DDX46: variants seen among roughly 807,000 people sequenced by gnomAD.
DDX46 encodes DEAD-box helicase 46, also known as probable ATP-dependent RNA helicase DDX46.
In DDX46, 30 loss-of-function variants were observed where a neutral mutation model predicts 134.9. The observed-to-expected ratio is 0.22, with a 90% CI of 0.17 to 0.30. The LOEUF is 0.30. Ranked by LOEUF, DDX46 falls within the 10% of genes least tolerant of loss-of-function variation. DDX46 has a pLI of 1.00. For synonymous variants in DDX46, 415 were observed against 404.1 expected (o/e 1.03, Z -0.32); for missense variants, 622 against 1,248.7 (o/e 0.50, Z 7.56).
intron 21 of DDX46, among the ~76,000 whole-genome samples, chr5:134,824,593 G>A (rs1755540112): frequency 6.6e-6 from 1 of 152,026 alleles, no homozygotes; most frequent in African/African-American, 2.4e-5. Context: ...AAAAAGAAAA[G>A]AAAAGAAAAA....
chr5:134,782,415 G>T (rs943929885), intron 8 of DDX46, among the ~76,000 whole-genome samples: 1 of 152,088 alleles, frequency 6.6e-6, no homozygotes, highest in Non-Finnish European at 1.5e-5. Context: ...GCCAAGGCGG[G>T]CAGATCACAA....
At chr5:134,762,580 G>C (rs1045895118) in intron 1 of DDX46, among the ~76,000 whole-genome samples, 3 of 150,922 alleles carry the variant, frequency 2.0e-5, no homozygotes, top group East Asian at 2.0e-4. Flanking sequence ...CTAAAGATAC[G>C]AAACTGGCTG....
In DDX46 at chr5:134,816,401, T is replaced by C. The variant is rs768247658; in HGVS notation, c.2437-29T>C. 6 of 1,556,740 alleles carry C rather than the reference T, an allele frequency of 3.9e-6. No homozygotes were observed. In the South Asian group the frequency reaches 7.2e-5, roughly 19 times the overall value. ...ATTTGGTATTTCTAATTCAGTTTTT[T>C]ACTAGTCCTTTTTTTCCTTTTGATC... On this transcript the variant is annotated intron_variant, in intron 18 of 22. Transcript: ENST00000452510.
chr5:134,791,746 A>G lies in DDX46; in HGVS notation c.1626+1194A>G, dbSNP rs150816721. 3.7e-3 allele frequency among the ~76,000 whole-genome samples: 558 copies of G among 152,326 alleles called. 3 individuals are homozygous for G. Among genetic ancestry groups the G allele is most frequent in the African/African-American group, 0.013 (534 of 41,572 alleles). ...CAGTTTATCCATGTACTCTCCAAAA[A>G]TTTATTGCCAGTTATATGTTAGTGC... On this transcript the variant is annotated intron_variant, in intron 13 of 22. Transcript: ENST00000452510.
At position 134,782,015 on chromosome 5, in the gene DDX46, A is replaced by G. The variant is rs1371876203; in HGVS notation, c.974A>G (p.Lys325Arg). 3 of 1,609,676 alleles carry G rather than the reference A, an allele frequency of 1.9e-6. No individual in the cohort carries two copies. Among genetic ancestry groups the G allele is most frequent in the Non-Finnish European group, 2.5e-6 (3 of 1,179,138 alleles). Residue 325 changes from lysine (K) to arginine (R), a missense_variant, in exon 8 of 23, where the codon AAA (lysine) becomes AGA (arginine). Coordinates refer to ENST00000452510, the MANE Select transcript of DDX46 (RefSeq NM_001300860.2). ...RKLLEPVDHG[K>R]IEYEPFRKNF... is the part of the protein sequence containing the mutation. ...CTTCTAGAACCAGTTGATCATGGAA[A>G]AATTGAGTATGAGCCATTTAGGAAA...
At chr5:134,769,537 G>T (rs111391801) in intron 3 of DDX46, among the ~76,000 whole-genome samples, 1,587 of 134,776 alleles carry the variant, frequency 0.012, 21 homozygotes, top group Non-Finnish European at 0.017. Flanking sequence ...TGTTTTTTTT[G>T]TTTGTTTTTT....
In DDX46 at chr5:134,818,288, T is replaced by G. The variant is rs558729669; in HGVS notation, c.2833-572T>G. On this transcript the variant is annotated intron_variant, in intron 20 of 22. Coordinates refer to ENST00000452510, the MANE Select transcript of DDX46 (RefSeq NM_001300860.2). ...TTTCTATTTTTAGTAGAGACGGGGT[T>G]TCTCCATGTTGGTCAGGCTGGTCTC... Among the ~76,000 whole-genome samples, 9 of 148,238 alleles carry G rather than the reference T, an allele frequency of 6.1e-5. No homozygotes were observed. In the South Asian group the frequency reaches 1.8e-3, roughly 29 times the overall value.
rs558645191 is a variant in DDX46 at position 134,778,020 on chromosome 5, C to CTTT, written c.765+311_765+313dup. The CTTT allele has an allele frequency of 5.0e-4, 76 of 150,830 alleles. 1 individual carries two copies. The highest frequency in any genetic ancestry group is 1.7e-3 in the African/African-American group (64 of 37,114). 9.3% of individuals were successfully genotyped at this position (150,830 alleles called of 1,614,324 possible). ...CTCTAGCACTCCTGTCTTTGATACT[C>CTTT]TTTTTTTTTTTTTTTTTTGATACAG... On this transcript the variant is annotated intron_variant, in intron 6 of 22. Transcript: ENST00000452510.
chr5:134,813,239 G>A (rs982873747), intron 18 of DDX46, among the ~76,000 whole-genome samples: 1 of 152,126 alleles, frequency 6.6e-6, no homozygotes, highest in Non-Finnish European at 1.5e-5. Flanking sequence ...CACCACGCCC[G>A]ACCACATTTC....
Position 134,830,105 on chromosome 5 carries a change from A to C in DDX46, c.*1399A>C, listed in dbSNP as rs1755694872. The C allele has an allele frequency of 1.3e-5, 2 of 151,598 alleles. No individual in the cohort carries two copies. The highest frequency in any genetic ancestry group is 4.8e-5 in the African/African-American group (2 of 41,400). 9.4% of individuals were successfully genotyped at this position (151,598 alleles called of 1,614,324 possible). A position where few individuals can be genotyped will look rare whatever the true frequency, so the allele number is the denominator to read the frequency against. The stretch of plus-strand genomic sequence containing the variant: ...AGGAATTTTTTTCAGGAGTTAAATA[A>C]AGTCAGTCTTTTATATCCAAGGGTT... On this transcript the variant is annotated 3_prime_UTR_variant, in exon 23 of 23. Transcript: ENST00000452510.
intron 22 of DDX46, among the ~76,000 whole-genome samples, chr5:134,828,171 G>T (rs1309457850): frequency 2.0e-5 from 3 of 151,568 alleles, no homozygotes; most frequent in Non-Finnish European, 4.4e-5. Context: ...CATTTCCTTT[G>T]AAAGGAAACG....
chr5:134,821,226 TAGAGAC>T (rs1365374527), intron 21 of DDX46, among the ~76,000 whole-genome samples: 15 of 151,760 alleles, frequency 9.9e-5, no homozygotes, highest in African/African-American at 3.4e-4. Context: ...GTATTTTTAG[TAGAGAC>T]AGGATTTCAC....
intron 2 of DDX46, among the ~76,000 whole-genome samples, 158 bp from the exon 3 acceptor site, chr5:134,766,759 T>C (rs1753580574): frequency 6.6e-6 from 1 of 152,182 alleles, no homozygotes; most frequent in South Asian, 2.1e-4. Context: ...TTCTCATTTT[T>C]TTCGTTGAGC....
rs60065638 is a variant in DDX46, at chr5:134,830,309, A to G, written c.*1603A>G. The G allele has an allele frequency of 1.3e-4, 20 of 152,288 alleles. No individual in the cohort carries two copies. The highest frequency in any genetic ancestry group is 4.6e-4 in the African/African-American group (19 of 41,580). The allele number at this position is 152,288 out of a possible 1,614,324, so 9.4% of individuals were successfully genotyped here. On this transcript the variant is annotated 3_prime_UTR_variant, in exon 23 of 23. Transcript: ENST00000452510. ...TACAGTATACAGGCGGTTAAAGTAT[A>G]CAGGAGGATGTGCATCGGTTATATG... is the stretch of plus-strand genomic sequence containing the variant.
At position 134,773,782 on chromosome 5, in the gene DDX46, T is replaced by C; in HGVS notation, c.534T>C (p.Ala178=). 1.2e-6 allele frequency: 2 copies of C among 1,613,112 alleles called. No individual in the cohort carries two copies. Among genetic ancestry groups the C allele is most frequent in the Non-Finnish European group, 1.7e-6 (2 of 1,179,704 alleles). Residue 178 remains alanine, a synonymous_variant, in exon 5 of 23, where the codon GCT becomes GCC. Coordinates refer to ENST00000452510, the MANE Select transcript of DDX46 (RefSeq NM_001300860.2). ...GGCGAGAAGAGCAACGTAAAAAGGCTATGGAAAACATAGGAGAACTGAAAA... is the reference window on the plus strand; with the variant it reads ...GGCGAGAAGAGCAACGTAAAAAGGCCATGGAAAACATAGGAGAACTGAAAA... ...EKWREEQRKK[A]MENIGELKKE...
Position 134,829,603 on chromosome 5 carries a change from A to G in DDX46, c.*897A>G, listed in dbSNP as rs1041532279. On this transcript the variant is annotated 3_prime_UTR_variant, in exon 23 of 23. Coordinates refer to ENST00000452510, the MANE Select transcript of DDX46 (RefSeq NM_001300860.2). ...CTTAAAAATTGTAAAACATAATGGT[A>G]CCCAAGTTTTAAACTTAGATGTGCT... 6.6e-6 allele frequency: 1 copy of G among 152,166 alleles called. No homozygotes were observed. Among genetic ancestry groups the G allele is most frequent in the Non-Finnish European group, 1.5e-5 (1 of 68,030 alleles). The allele number at this position is 152,166 out of a possible 1,614,324, so 9.4% of individuals were successfully genotyped here. A position where few individuals can be genotyped will look rare whatever the true frequency, so the allele number is the denominator to read the frequency against.
At chr5:134,806,205 C>T (rs1219875733) in intron 15 of DDX46, among the ~76,000 whole-genome samples, 3 of 145,816 alleles carry the variant, frequency 2.1e-5, no homozygotes, top group Non-Finnish European at 3.0e-5. Context: ...GAGTGAAACT[C>T]CGTCTTTAAA....
At chr5:134,777,235 G>A (rs1350352027) in intron 5 of DDX46, among the ~76,000 whole-genome samples, 2 of 152,194 alleles carry the variant, frequency 1.3e-5, no homozygotes, top group Non-Finnish European at 2.9e-5. Context: ...ACATCATTTA[G>A]CAGAGAAAGT....
At chr5:134,818,218 C>G (rs548633068) in intron 20 of DDX46, among the ~76,000 whole-genome samples, 2 of 151,582 alleles carry the variant, frequency 1.3e-5, no homozygotes, top group African/African-American at 4.8e-5. Context: ...CTCGGCCTCC[C>G]AAAGTGCTGG....
Sources: allele counts gnomAD v4.1 joint callset (sites outside exome capture counted in the v4.1 genomes callset), GRCh38; gene constraint gnomAD v4.1.1; transcripts MANE v1.5; gene names NCBI Gene and HGNC (gene_info 2026-07-23, HGNC 2026-07-21).